CPA6: variants seen among roughly 807,000 people sequenced by gnomAD.
The protein encoded by CPA6 is carboxypeptidase B.
Under a neutral mutation model 63.3 loss-of-function variants are expected in CPA6, and 58 were observed. That is an observed-to-expected ratio of 0.92 (90% confidence interval 0.74 to 1.14). CPA6 has a LOEUF of 1.14. Among genes scored for constraint, CPA6 ranks in the 50% most tolerant of loss-of-function variants. CPA6 has a pLI of 0.00. For synonymous variants in CPA6, 185 were observed against 179.0 expected, an observed-to-expected ratio of 1.03 and a Z score of -0.27; for missense variants, 565 against 526.6, an observed-to-expected ratio of 1.07 and a Z score of -0.71.
intron 1 of CPA6, among the ~76,000 whole-genome samples, chr8:67,643,873 G>A (rs531109765): frequency 6.6e-5 from 10 of 152,258 alleles, no homozygotes; most frequent in African/African-American, 2.4e-4. Flanking sequence ...AAGCATCCCA[G>A]GTGATTCTGA....
intron 1 of CPA6, among the ~76,000 whole-genome samples, chr8:67,685,551 G>A (rs547849019): frequency 1.1e-4 from 17 of 152,264 alleles, no homozygotes; most frequent in African/African-American, 3.9e-4. Flanking sequence ...CCCGGGAGGC[G>A]GAGCTTGCAG....
intron 8 of CPA6, among the ~76,000 whole-genome samples, chr8:67,452,916 G>A (rs1810586324): frequency 6.6e-6 from 1 of 152,188 alleles, no homozygotes; most frequent in Non-Finnish European, 1.5e-5. Flanking sequence ...AATGTGGCTG[G>A]AGCCAAGTGG....
At chr8:67,561,031 T>A (rs1307062533) in intron 2 of CPA6, among the ~76,000 whole-genome samples, 1 of 152,080 alleles carries the variant, frequency 6.6e-6, no homozygotes, top group East Asian at 1.9e-4. Context: ...GACAACAAAA[T>A]CTCCTTTTAA....
intron 1 of CPA6, among the ~76,000 whole-genome samples, chr8:67,664,504 T>C (rs996271762): frequency 6.6e-6 from 1 of 152,192 alleles, no homozygotes; most frequent in Non-Finnish European, 1.5e-5. Flanking sequence ...TCTAGCCCAC[T>C]GTGCACCTGC....
intron 2 of CPA6, among the ~76,000 whole-genome samples, chr8:67,598,643 T>G (rs1814410450): frequency 1.3e-5 from 2 of 152,178 alleles, no homozygotes; most frequent in Admixed American, 1.3e-4. Context: ...AAAATTAGTC[T>G]TCCTGTTATG....
intron 1 of CPA6, among the ~76,000 whole-genome samples, chr8:67,744,584 C>A (rs1817972618): frequency 6.6e-6 from 1 of 152,122 alleles, no homozygotes; most frequent in African/African-American, 2.4e-5. Context: ...GGTCTTAGGT[C>A]ATACACGTGT....
chr8:67,663,836 G>A (rs1461920162), intron 1 of CPA6, among the ~76,000 whole-genome samples: 1 of 152,058 alleles, frequency 6.6e-6, no homozygotes, highest in East Asian at 1.9e-4. Context: ...CAAATTTTAT[G>A]GACAACATTG....
At chr8:67,464,195 T>C (rs1810876240) in intron 8 of CPA6, among the ~76,000 whole-genome samples, 1 of 152,208 alleles carries the variant, frequency 6.6e-6, no homozygotes, top group South Asian at 2.1e-4. Context: ...TTATTATTTT[T>C]TAATAGCCAT....
chr8:67,665,712 C>T (rs2128993543), intron 1 of CPA6, among the ~76,000 whole-genome samples: 1 of 152,218 alleles, frequency 6.6e-6, no homozygotes, highest in South Asian at 2.1e-4. Flanking sequence ...GATTTGTTTG[C>T]TATGGCAATG....
At chr8:67,736,361 C>T (rs561146896) in intron 1 of CPA6, among the ~76,000 whole-genome samples, 48 of 152,312 alleles carry the variant, frequency 3.2e-4, no homozygotes, top group African/African-American at 1.1e-3. Flanking sequence ...CCTTTCACTG[C>T]TAATTTTCTG....
At chr8:67,715,463 C>T (rs1429121986) in intron 1 of CPA6, among the ~76,000 whole-genome samples, 1 of 152,194 alleles carries the variant, frequency 6.6e-6, no homozygotes, top group African/African-American at 2.4e-5. Context: ...AACAGATCTT[C>T]CACTTCCATT....
intron 8 of CPA6, among the ~76,000 whole-genome samples, chr8:67,447,947 G>T (rs1327421496): frequency 6.6e-6 from 1 of 152,064 alleles, no homozygotes; most frequent in Non-Finnish European, 1.5e-5. Flanking sequence ...ACCACGCCAG[G>T]CTAATTTTGG....
intron 2 of CPA6, among the ~76,000 whole-genome samples, chr8:67,538,068 G>A (rs554268812): frequency 6.6e-6 from 1 of 152,110 alleles, no homozygotes; most frequent in African/African-American, 2.4e-5. Context: ...TATGATTTCT[G>A]TTCTTTTGCA....
At chr8:67,589,951 C>T (rs992009983) in intron 2 of CPA6, among the ~76,000 whole-genome samples, 46 of 151,850 alleles carry the variant, frequency 3.0e-4, no homozygotes, top group African/African-American at 1.1e-3. Context: ...AGGTTAGTTA[C>T]ATATGTATAC....
In CPA6 at chr8:67,517,973, AT is replaced by A. The variant is rs770265319; in HGVS notation, c.266del (p.Asn89MetfsTer7). The A allele has an allele frequency of 3.8e-5, 62 of 1,613,084 alleles. No individual in the cohort carries two copies. The highest frequency in any genetic ancestry group is 6.8e-6 in the Non-Finnish European group (8 of 1,179,732). On this transcript the variant is annotated frameshift_variant, in exon 3 of 11. Transcript: ENST00000297770. LOFTEE classifies it high-confidence loss of function. Reference protein sequence around the residue: ...GTVTDVHIPQNGSRALLAFLQ... With the variant: ...GTVTDVHIPQXGSRALLAFLQ... The stretch of plus-strand genomic sequence containing the variant: ...AGAAGGCTAACAGGGCTCGGGAACC[AT>A]TTTGGGGGATATGGACATCAGTAAC...
intron 2 of CPA6, among the ~76,000 whole-genome samples, chr8:67,568,506 A>G (rs1813399447): frequency 6.6e-6 from 1 of 152,220 alleles, no homozygotes; most frequent in Admixed American, 6.5e-5. Flanking sequence ...AGAGATGAAG[A>G]TTACAATGAC....
intron 2 of CPA6, among the ~76,000 whole-genome samples, chr8:67,570,657 C>T (rs1054481606): frequency 2.6e-5 from 4 of 152,262 alleles, no homozygotes; most frequent in South Asian, 2.1e-4. Flanking sequence ...TCTGTGTAAA[C>T]TTCATGATAA....
At chr8:67,699,533 T>A (rs1563398444) in intron 1 of CPA6, among the ~76,000 whole-genome samples, 1 of 151,912 alleles carries the variant, frequency 6.6e-6, no homozygotes, top group African/African-American at 2.4e-5. Flanking sequence ...TTACATGCAA[T>A]TTTAAGTCCA....
intron 9 of CPA6, among the ~76,000 whole-genome samples, chr8:67,433,580 AT>A (rs1810076431): frequency 6.6e-6 from 1 of 152,252 alleles, no homozygotes; most frequent in South Asian, 2.1e-4. Context: ...TCAATCTATA[AT>A]TTATGAATAA....
Sources: gnomAD v4.1 joint callset for allele counts (sites outside exome capture counted in the v4.1 genomes callset) on GRCh38, gnomAD v4.1.1 for gene constraint, MANE v1.5 for transcripts, NCBI Gene and HGNC (gene_info 2026-07-23, HGNC 2026-07-21) for gene names.